SFTPD: variants seen among roughly 807,000 people sequenced by gnomAD.
The protein encoded by SFTPD is surfactant protein D.
SFTPD carries 18 observed loss-of-function variants against 34.6 expected under a neutral mutation model. That is an observed-to-expected ratio of 0.52 (90% CI 0.36 to 0.77). The LOEUF (loss-of-function observed/expected upper bound fraction) is 0.77, where lower values mean the gene tolerates loss of function less well. SFTPD is among the 30% of genes least tolerant of loss of function. The probability of loss-of-function intolerance (pLI) is 0.00; values close to 1 mark genes in which losing one functional copy is unlikely to be tolerated. For synonymous variants in SFTPD, 155 were observed against 180.9 expected (o/e 0.86, Z 1.15); for missense variants, 433 against 468.9 (o/e 0.92, Z 0.71).
intron 1 of SFTPD, chr10:79,973,210 G>A (rs955848262): frequency 4.6e-5 from 7 of 152,104 alleles, no homozygotes; most frequent in Non-Finnish European, 1.0e-4. Flanking sequence ...TGTACATCAA[G>A]TTCAAGCCTC....
At chr10:79,940,611 A>G (rs1842600992) in intron 7 of SFTPD, 94 bp downstream of exon 7, 1 of 783,404 alleles carries the variant, frequency 1.3e-6, no homozygotes, top group Middle Eastern at 3.8e-4. Flanking sequence ...GGTCCAGCCA[A>G]AGGTCTAGCC....
chr10:79,978,788 A>G (rs1842876130), intron 1 of SFTPD, among the ~76,000 whole-genome samples: 1 of 152,136 alleles, frequency 6.6e-6, no homozygotes, highest in Non-Finnish European at 1.5e-5. Context: ...GATTAGAAAC[A>G]AGACAAGGAT....
In SFTPD at chr10:79,946,429, C is replaced by G. The variant is rs781314194; in HGVS notation, c.199+32G>C. On this transcript the variant is annotated intron_variant, in intron 2 of 7. Coordinates refer to ENST00000372292, the MANE Select transcript of SFTPD (RefSeq NM_003019.5). Reference sequence around the variant, plus strand: ...GTTACAGTTCCAATGACCATTCCTCCCCAGCAGGATAAGCCCAGGGCCCCA... The same window carrying G: ...GTTACAGTTCCAATGACCATTCCTCGCCAGCAGGATAAGCCCAGGGCCCCA... The G allele has an allele frequency of 3.9e-6, 6 of 1,526,382 alleles. 1 individual carries two copies. The highest frequency in any genetic ancestry group is 3.4e-4 in the Middle Eastern group (2 of 5,864). The allele number at this position is 1,526,382 out of a possible 1,614,324, so 94.6% of individuals were successfully genotyped here. A position where few individuals can be genotyped will look rare whatever the true frequency, so the allele number is the denominator to read the frequency against.
chr10:79,957,767 A>G (rs1371829779), intron 1 of SFTPD, among the ~76,000 whole-genome samples: 2 of 152,230 alleles, frequency 1.3e-5, no homozygotes, highest in Admixed American at 1.3e-4. Context: ...GTAGCAAGGC[A>G]GGCCAACATT....
chr10:79,967,945 C>A (rs1842812191), intron 1 of SFTPD, among the ~76,000 whole-genome samples: 1 of 151,648 alleles, frequency 6.6e-6, no homozygotes, highest in Admixed American at 6.6e-5. Flanking sequence ...ATAAAACAGC[C>A]CCACCCCTAT....
At chr10:79,968,877 A>C (rs1404376441) in intron 1 of SFTPD, 4 of 152,136 alleles carry the variant, frequency 2.6e-5, no homozygotes, top group Admixed American at 2.0e-4. Flanking sequence ...TGACTGGTGT[A>C]AGATGGTATC....
chr10:79,942,729 T>C (rs749220302), intron 3 of SFTPD, 34 bp downstream of exon 3: 43 of 1,395,178 alleles, frequency 3.1e-5, no homozygotes, highest in Non-Finnish European at 4.0e-5. Context: ...CACCACCACC[T>C]GGAAACACCT....
upstream of SFTPD, chr10:79,951,060 A>G (rs937814388): frequency 1.3e-5 from 2 of 151,612 alleles, no homozygotes; most frequent in Non-Finnish European, 2.9e-5. Flanking sequence ...TTTAATCTCT[A>G]TCTCTTTTGT....
At position 79,945,043 on chromosome 10, in the gene SFTPD, G is replaced by A. The variant is rs115026573; in HGVS notation, c.199+1418C>T. ...ACAGTGGAGTGACTGGAGAGACTGC[G>A]ATTGAGAAGCCAGAGTGGAGCCTCA... On this transcript the variant is annotated intron_variant, in intron 2 of 7. Transcript: ENST00000372292. 5.3e-3 allele frequency among the ~76,000 whole-genome samples: 799 copies of A among 152,132 alleles called. 9 individuals carry two copies. Among genetic ancestry groups the A allele is most frequent in the African/African-American group, 0.018 (763 of 41,494 alleles).
At chr10:79,951,966 C>T (rs1842712779), upstream of SFTPD, among the ~76,000 whole-genome samples, 1 of 152,222 alleles carries the variant, frequency 6.6e-6, no homozygotes, top group Non-Finnish European at 1.5e-5. Context: ...ACCAGCTCCA[C>T]ATCCTGGGAA....
chr10:79,971,422 G>A (rs186323408), intron 1 of SFTPD: 89 of 152,294 alleles, frequency 5.8e-4, no homozygotes, highest in African/African-American at 2.0e-3. Flanking sequence ...AAAAGTTTGA[G>A]AAGAATTGGT....
chr10:79,969,952 A>C (rs906370830), intron 1 of SFTPD: 1 of 152,200 alleles, frequency 6.6e-6, no homozygotes, highest in Non-Finnish European at 1.5e-5. Context: ...CCAAAAAATA[A>C]TTGCCCAGAC....
In SFTPD at chr10:79,941,518, G is replaced by A; in HGVS notation, c.551-4C>T. ...GGACCCATGGCTCCAGCAGACCCTG[G>A]GGTAAAAGAAGAACTGGGTGAGCTA... On this transcript the variant is annotated splice_polypyrimidine_tract_variant and splice_region_variant and intron_variant, in intron 5 of 7. Transcript: ENST00000372292. 6.3e-7 allele frequency: 1 copy of A among 1,586,710 alleles called. No individual in the cohort carries two copies. The highest frequency in any genetic ancestry group is 8.5e-7 in the Non-Finnish European group (1 of 1,170,048).
chr10:79,956,748 T>C (rs371101430), intron 1 of SFTPD, among the ~76,000 whole-genome samples: 1 of 152,080 alleles, frequency 6.6e-6, no homozygotes, highest in Non-Finnish European at 1.5e-5. Flanking sequence ...AACAAAAAGA[T>C]AGCAGTAACC....
Position 79,942,442 on chromosome 10 carries a change from C to T in SFTPD, c.379G>A (p.Gly127Arg), listed in dbSNP as rs150839598. The T allele has an allele frequency of 2.0e-5, 33 of 1,613,560 alleles. No individual in the cohort carries two copies. Among genetic ancestry groups the T allele is most frequent in the Non-Finnish European group, 2.8e-5 (33 of 1,179,648 alleles). ...GGCTTGCCCTGAGGTCCTATGTTCC[C>T]CTGCTTCCCCAGGGGACCTTCTCTT... is the stretch of plus-strand genomic sequence containing the variant. Reference protein sequence around the residue: ...AGREGPLGKQGNIGPQGKPGP... With the variant: ...AGREGPLGKQRNIGPQGKPGP... Residue 127 changes from glycine to arginine, a missense_variant, in exon 4 of 8, where the codon GGG becomes AGG. Physicochemically the swap from Gly to Arg is moderately radical, Grantham distance 125. Transcript: ENST00000372292.
chr10:79,961,059 T>G (rs1231739944), intron 1 of SFTPD, among the ~76,000 whole-genome samples: 2 of 152,194 alleles, frequency 1.3e-5, no homozygotes, highest in African/African-American at 4.8e-5. Flanking sequence ...GATTCCCTAT[T>G]TAATAAATGG....
chr10:79,946,699 T>C, intron 1 of SFTPD, 37 bp from the exon 2 acceptor site: 1 of 1,577,780 alleles, frequency 6.3e-7, no homozygotes, highest in Admixed American at 1.7e-5. Context: ...GACATGCTTA[T>C]GCTTCATGGA....
rs4469829 is a variant in SFTPD at position 79,938,055 on chromosome 10, C to G, written c.925G>C (p.Glu309Gln). 3.1e-6 allele frequency: 5 copies of G among 1,614,056 alleles called. No individual in the cohort carries two copies. The highest frequency in any genetic ancestry group is 4.2e-6 in the Non-Finnish European group (5 of 1,179,980). Reference sequence around the variant, plus strand: ...TCAGTCATGCTCAGGAAAGCAGCCTCGTTCTTAGCTACGACCAGCTGTTGC... The same window carrying G: ...TCAGTCATGCTCAGGAAAGCAGCCTGGTTCTTAGCTACGACCAGCTGTTGC... Reference protein sequence around the residue: ...ALQQLVVAKNEAAFLSMTDSK... With the variant: ...ALQQLVVAKNQAAFLSMTDSK... The change falls in exon 8 of 8, where the codon GAG becomes CAG. Residue 309 changes from glutamate to glutamine, a missense_variant. Transcript: ENST00000372292.
At chr10:79,954,133 T>C (rs533307763) in intron 1 of SFTPD, among the ~76,000 whole-genome samples, 73 of 151,956 alleles carry the variant, frequency 4.8e-4, no homozygotes, top group African/African-American at 1.7e-3. Flanking sequence ...AAGATGATTA[T>C]CTGAAATTAT....
Sources: gnomAD v4.1 joint callset for allele counts (sites outside exome capture counted in the v4.1 genomes callset) on GRCh38, gnomAD v4.1.1 for gene constraint, MANE v1.5 for transcripts, NCBI Gene and HGNC (gene_info 2026-07-23, HGNC 2026-07-21) for gene names.